EPC2: variants seen among roughly 807,000 people sequenced by gnomAD.
EPC2 encodes enhancer of polycomb 2, also known as enhancer of polycomb homolog 2.
Under a neutral mutation model 92.1 loss-of-function variants are expected in EPC2, and 14 were observed. The observed-to-expected ratio is 0.15, with a 90% confidence interval of 0.10 to 0.24. The LOEUF (loss-of-function observed/expected upper bound fraction) is 0.24. EPC2 is among the 10% of genes least tolerant of loss of function. The pLI, the probability that EPC2 is intolerant of heterozygous loss-of-function variation, is 1.00. For missense variants in EPC2, 755 were observed against 971.5 expected (o/e 0.78, Z 2.96); for synonymous variants, 340 against 334.7 (o/e 1.02, Z -0.17).
At chr2:148,766,125 G>A (rs1243118537) in intron 7 of EPC2, among the ~76,000 whole-genome samples, 1 of 152,034 alleles carries the variant, frequency 6.6e-6, no homozygotes, top group Non-Finnish European at 1.5e-5. Flanking sequence ...TTTAAAAATA[G>A]TATGGGAAAC....
At chr2:148,722,432 A>T (rs2105391835) in intron 2 of EPC2, among the ~76,000 whole-genome samples, 1 of 152,364 alleles carries the variant, frequency 6.6e-6, no homozygotes, top group Non-Finnish European at 1.5e-5. Context: ...GAAAAAATGC[A>T]TCACTAATCA....
At chr2:148,744,332 T>C (rs1455375595) in intron 3 of EPC2, among the ~76,000 whole-genome samples, 1 of 152,102 alleles carries the variant, frequency 6.6e-6, no homozygotes, top group Non-Finnish European at 1.5e-5. Context: ...AATAATCTCA[T>C]CTTTTGGAAT....
At chr2:148,723,137 C>T (rs946279961) in intron 2 of EPC2, among the ~76,000 whole-genome samples, 1 of 152,056 alleles carries the variant, frequency 6.6e-6, no homozygotes, top group Non-Finnish European at 1.5e-5. Flanking sequence ...TGCAATTTAC[C>T]TAATAACCTA....
intron 2 of EPC2, among the ~76,000 whole-genome samples, chr2:148,721,890 C>CTTTTTTTTTTTTTTTTTTTTTTT: frequency 6.6e-5 from 4 of 60,734 alleles, no homozygotes; most frequent in Admixed American, 2.4e-4. Context: ...GTTTTGATTT[C>CTTTTTTTTTTTTTTTTTTTTTTT]TTTTTTTTTT....
chr2:148,716,212 A>C (rs750187442), intron 2 of EPC2, among the ~76,000 whole-genome samples: 4 of 152,112 alleles, frequency 2.6e-5, no homozygotes, highest in Non-Finnish European at 5.9e-5. Context: ...AATACACTTT[A>C]TTTATTTCCC....
rs139646176 is a variant in EPC2, at chr2:148,688,205, A to G, written c.154-2009A>G. ...ACTGGATTAAGAAAATGTGGCACATATGCACCATGGAATACTATGCAGCCA... is the reference window on the plus strand; with the variant it reads ...ACTGGATTAAGAAAATGTGGCACATGTGCACCATGGAATACTATGCAGCCA... On this transcript the variant is annotated intron_variant, in intron 1 of 13. Coordinates refer to ENST00000258484, the MANE Select transcript of EPC2 (RefSeq NM_015630.4). Among the ~76,000 whole-genome samples the G allele has an allele frequency of 7.3e-3, 1,109 of 152,334 alleles. 3 individuals carry two copies. The highest frequency in any genetic ancestry group is 0.031 in the Middle Eastern group (9 of 294).
At chr2:148,776,384 C>G (rs537437522) in intron 10 of EPC2, among the ~76,000 whole-genome samples, 1 of 152,222 alleles carries the variant, frequency 6.6e-6, no homozygotes, top group South Asian at 2.1e-4. Context: ...GATTTTTAGT[C>G]TTTCTTCATT....
chr2:148,755,545 G>A (rs1265765167), intron 4 of EPC2, among the ~76,000 whole-genome samples: 2 of 151,998 alleles, frequency 1.3e-5, no homozygotes, highest in Non-Finnish European at 2.9e-5. Flanking sequence ...TTATAATACT[G>A]TACTTTTACT....
intron 6 of EPC2, 132 bp downstream of exon 6, chr2:148,762,934 C>G (rs1683330629): frequency 1.1e-6 from 1 of 918,866 alleles, no homozygotes; most frequent in Non-Finnish European, 1.6e-6. Context: ...TTACCATGAG[C>G]CAAGCACTTT....
chr2:148,780,737 A>G (rs1683732096), intron 10 of EPC2, among the ~76,000 whole-genome samples: 1 of 152,222 alleles, frequency 6.6e-6, no homozygotes, highest in Non-Finnish European at 1.5e-5. Flanking sequence ...CAAGCAATAA[A>G]GAAAACAGAG....
intron 7 of EPC2, among the ~76,000 whole-genome samples, chr2:148,767,437 T>C (rs1465683974): frequency 6.6e-6 from 1 of 152,186 alleles, no homozygotes; most frequent in East Asian, 1.9e-4. Context: ...TTCTGATTGT[T>C]TGTATTAGGT....
chr2:148,741,131 TATC>T (rs2105405487), intron 2 of EPC2, among the ~76,000 whole-genome samples: 1 of 152,310 alleles, frequency 6.6e-6, no homozygotes, highest in African/African-American at 2.4e-5. Flanking sequence ...AAATAGTTTT[TATC>T]ATTAGTTCAC....
intron 11 of EPC2, among the ~76,000 whole-genome samples, chr2:148,783,319 T>G (rs1683792359): frequency 1.3e-5 from 2 of 152,260 alleles, no homozygotes; most frequent in Non-Finnish European, 2.9e-5. Context: ...CAAGCATTTT[T>G]AAAACCATTC....
At chr2:148,662,514 G>T (rs1452245372) in intron 1 of EPC2, among the ~76,000 whole-genome samples, 1 of 152,172 alleles carries the variant, frequency 6.6e-6, no homozygotes, top group African/African-American at 2.4e-5. Context: ...CATGTCCTTT[G>T]TAGGGACATG....
At chr2:148,645,937 C>T (rs757185620) in intron 1 of EPC2, among the ~76,000 whole-genome samples, 1 of 152,222 alleles carries the variant, frequency 6.6e-6, no homozygotes, top group African/African-American at 2.4e-5. Context: ...GCGAGGTGGT[C>T]CTTAGAAGTT....
At chr2:148,738,692 G>A (rs548959543) in intron 2 of EPC2, among the ~76,000 whole-genome samples, 10 of 152,288 alleles carry the variant, frequency 6.6e-5, no homozygotes, top group South Asian at 2.1e-4. Flanking sequence ...GTCAGAGTAA[G>A]TGTAGCCATT....
intron 1 of EPC2, among the ~76,000 whole-genome samples, chr2:148,665,939 A>G (rs1489806755): frequency 6.6e-6 from 1 of 152,216 alleles, no homozygotes; most frequent in African/African-American, 2.4e-5. Flanking sequence ...AGAAAAAACA[A>G]ACATCAATAA....
intron 1 of EPC2, among the ~76,000 whole-genome samples, chr2:148,689,893 G>A (rs80110234): frequency 0.033 from 4,985 of 152,018 alleles, 269 homozygotes; most frequent in African/African-American, 0.11. Context: ...ATCTGGTAGT[G>A]GTGACAAACA....
intron 1 of EPC2, among the ~76,000 whole-genome samples, chr2:148,657,671 T>G (rs1298542362): frequency 6.6e-6 from 1 of 151,948 alleles, no homozygotes; most frequent in Admixed American, 6.6e-5. Context: ...TAAAGTACAC[T>G]TAAAAGCTTT....
Sources: allele counts gnomAD v4.1 joint callset (sites outside exome capture counted in the v4.1 genomes callset), GRCh38; gene constraint gnomAD v4.1.1; transcripts MANE v1.5; gene names NCBI Gene and HGNC (gene_info 2026-07-23, HGNC 2026-07-21).